ALDH7A1: variants seen among roughly 807,000 people sequenced by gnomAD.
ALDH7A1 encodes the protein aldehyde dehydrogenase 7 family member A1.
Under a neutral mutation model 79.9 loss-of-function variants are expected in ALDH7A1, and 63 were observed. The observed-to-expected ratio is 0.79, with a 90% CI of 0.64 to 0.97. ALDH7A1 has a LOEUF of 0.97. Among genes scored for constraint, ALDH7A1 ranks in the 50% least tolerant of loss-of-function variants. ALDH7A1 has a pLI of 0.00. For synonymous variants in ALDH7A1, 240 were observed against 231.2 expected (o/e 1.04, Z -0.34); for missense variants, 627 against 665.2 (o/e 0.94, Z 0.63).
At chr5:126,577,957 G>C (rs753882801) in intron 5 of ALDH7A1, among the ~76,000 whole-genome samples, 16 of 151,536 alleles carry the variant, frequency 1.1e-4, no homozygotes, top group Non-Finnish European at 1.9e-4. Flanking sequence ...AGATGGGAAG[G>C]GGGAGTTCTA....
At chr5:126,570,932 C>T (rs2112785518) in intron 7 of ALDH7A1, 73 bp from the exon 8 acceptor site, 1 of 1,407,520 alleles carries the variant, frequency 7.1e-7, no homozygotes, top group East Asian at 2.3e-5. Flanking sequence ...AAATTCCAAC[C>T]ACTTGACTCT....
At chr5:126,571,670 C>T (rs1176664147) in intron 7 of ALDH7A1, among the ~76,000 whole-genome samples, 1 of 151,170 alleles carries the variant, frequency 6.6e-6, no homozygotes, top group Non-Finnish European at 1.5e-5. Context: ...TTTGGTCTTA[C>T]ACAAATCTAT....
At chr5:126,558,127 A>T (rs184443631) in intron 11 of ALDH7A1, among the ~76,000 whole-genome samples, 1 of 134,694 alleles carries the variant, frequency 7.4e-6, no homozygotes, top group East Asian at 2.4e-4. Flanking sequence ...AGATCGCGCC[A>T]CTACACTCCA....
At chr5:126,587,890 A>T (rs1451854274) in intron 3 of ALDH7A1, 2 of 152,202 alleles carry the variant, frequency 1.3e-5, no homozygotes, top group Non-Finnish European at 2.9e-5. Flanking sequence ...CCTCTTCCCT[A>T]AACCTTGAAC....
chr5:126,565,200 C>G (rs1450113469), intron 9 of ALDH7A1, among the ~76,000 whole-genome samples: 5 of 152,034 alleles, frequency 3.3e-5, no homozygotes, highest in Non-Finnish European at 5.9e-5. Context: ...TGAGACCAGC[C>G]TGGCCAAGAT....
At chr5:126,583,733 G>A (rs564909734) in intron 4 of ALDH7A1, among the ~76,000 whole-genome samples, 199 bp downstream of exon 4, 277 of 151,624 alleles carry the variant, frequency 1.8e-3, no homozygotes, top group African/African-American at 6.2e-3. Flanking sequence ...CCAGCTACTC[G>A]GGAGGCTCAG....
At chr5:126,548,666 A>G (rs1749880686) in intron 16 of ALDH7A1, among the ~76,000 whole-genome samples, 1 of 152,066 alleles carries the variant, frequency 6.6e-6, no homozygotes, top group Admixed American at 6.6e-5. Flanking sequence ...AGCTCAAGCG[A>G]TCGGCCCACC....
intron 8 of ALDH7A1, chr5:126,569,488 G>A (rs2112783861): frequency 6.6e-6 from 1 of 152,264 alleles, no homozygotes; most frequent in South Asian, 2.1e-4. Flanking sequence ...AACCAAGCAG[G>A]GCAGCCACAG....
chr5:126,561,169 T>C, intron 9 of ALDH7A1, 45 bp from the exon 10 acceptor site: 1 of 1,465,094 alleles, frequency 6.8e-7, no homozygotes, highest in Admixed American at 1.8e-5. Flanking sequence ...CCTACTTCCA[T>C]ATTTACTGCA....
chr5:126,575,354 A>C, intron 7 of ALDH7A1, 66 bp downstream of exon 7: 1 of 1,484,722 alleles, frequency 6.7e-7, no homozygotes, highest in Non-Finnish European at 9.3e-7. Flanking sequence ...TTAAAAAGTC[A>C]GGGCCTATCA....
rs375505703 is a variant in ALDH7A1, at chr5:126,546,309, A to G, written c.1565+15T>C. 6.8e-6 allele frequency: 11 copies of G among 1,613,712 alleles called. No homozygotes were observed. In the African/African-American group the frequency reaches 8.0e-5, roughly 12 times the overall value. ...GTTTTAAGCCCAAACCTATCTTCCCAAAGCCTTTTCTTACCAAGTAGACCT... is the reference window on the plus strand; with the variant it reads ...GTTTTAAGCCCAAACCTATCTTCCCGAAGCCTTTTCTTACCAAGTAGACCT... On this transcript the variant is annotated intron_variant, in intron 17 of 17. Coordinates refer to ENST00000409134, the MANE Select transcript of ALDH7A1 (RefSeq NM_001182.5).
chr5:126,566,949 T>C (rs1750603937), intron 9 of ALDH7A1, among the ~76,000 whole-genome samples: 1 of 152,202 alleles, frequency 6.6e-6, no homozygotes, highest in Non-Finnish European at 1.5e-5. Flanking sequence ...AAGACTTTCC[T>C]CCCCATCTAA....
intron 14 of ALDH7A1, among the ~76,000 whole-genome samples, chr5:126,551,073 G>C (rs1292208190): frequency 2.0e-5 from 3 of 151,946 alleles, no homozygotes; most frequent in Admixed American, 6.6e-5. Flanking sequence ...AGGACTATAG[G>C]TACATACAAC....
chr5:126,563,399 G>A (rs1041806398), intron 9 of ALDH7A1, among the ~76,000 whole-genome samples: 1 of 152,202 alleles, frequency 6.6e-6, no homozygotes, highest in Non-Finnish European at 1.5e-5. Context: ...TTTCTCCAGT[G>A]TTGAATATAT....
intron 7 of ALDH7A1, among the ~76,000 whole-genome samples, chr5:126,572,511 C>T (rs17154671): frequency 0.14 from 21,506 of 152,238 alleles, 1,934 homozygotes; most frequent in African/African-American, 0.25. Context: ...TTCTCCATGT[C>T]ACCTGATAAG....
chr5:126,584,022 G>C lies in ALDH7A1; in HGVS notation c.313-10C>G, dbSNP rs567441242. The C allele has an allele frequency of 6.2e-7, 1 of 1,612,320 alleles. No homozygotes were observed. The highest frequency in any genetic ancestry group is 1.7e-5 in the Admixed American group (1 of 59,994). Reference sequence around the variant, plus strand: ...GTTTTGGAGCAGGAATCTAAGAAAAGAATGCAATTTTTGTGTCTGATTCAA... The same window carrying C: ...GTTTTGGAGCAGGAATCTAAGAAAACAATGCAATTTTTGTGTCTGATTCAA... On this transcript the variant is annotated splice_polypyrimidine_tract_variant and intron_variant, in intron 3 of 17. Coordinates refer to ENST00000409134, the MANE Select transcript of ALDH7A1 (RefSeq NM_001182.5).
intron 12 of ALDH7A1, chr5:126,555,482 CAA>C (rs762878623): frequency 8.9e-3 from 669 of 75,088 alleles, no homozygotes; most frequent in South Asian, 0.034. Flanking sequence ...AACTGTGTCT[CAA>C]AAAAAAAAAA....
rs1307658858 is a variant in ALDH7A1 at position 126,543,992 on chromosome 5, G to A, written c.*973C>T. ...TTTTTTTTTTTTTTTTTTGTAGACA[G>A]GATCTCACTGTTGCCCAGGCAGTGG... is the stretch of plus-strand genomic sequence containing the variant. On this transcript the variant is annotated 3_prime_UTR_variant, in exon 18 of 18. Transcript: ENST00000409134. 7.6e-6 allele frequency: 1 copy of A among 131,014 alleles called. No homozygotes were observed. Among genetic ancestry groups the A allele is most frequent in the Non-Finnish European group, 1.6e-5 (1 of 62,874 alleles). 8.1% of individuals were successfully genotyped at this position (131,014 alleles called of 1,614,324 possible).
rs1291183863 is a variant in ALDH7A1 at position 126,543,644 on chromosome 5, T to C, written c.*1321A>G. 6.6e-6 allele frequency: 1 copy of C among 152,206 alleles called. No homozygotes were observed. The highest frequency in any genetic ancestry group is 6.5e-5 in the Admixed American group (1 of 15,284). 9.4% of individuals were successfully genotyped at this position (152,206 alleles called of 1,614,324 possible). On this transcript the variant is annotated 3_prime_UTR_variant, in exon 18 of 18. Transcript: ENST00000409134. ...CTCCACATCCTGATGGATCAGGTTGTCTACAAATGTCATCTTGTTCAAAGG... is the reference window on the plus strand; with the variant it reads ...CTCCACATCCTGATGGATCAGGTTGCCTACAAATGTCATCTTGTTCAAAGG...
Sources: gnomAD v4.1 joint callset for allele counts (sites outside exome capture counted in the v4.1 genomes callset) on GRCh38, gnomAD v4.1.1 for gene constraint, MANE v1.5 for transcripts, NCBI Gene and HGNC (gene_info 2026-07-23, HGNC 2026-07-21) for gene names.